NCOR1: variants seen among roughly 807,000 people sequenced by gnomAD.
NCOR1 encodes nuclear receptor corepressor 1, also known as protein phosphatase 1, regulatory subunit 109.
NCOR1 carries 63 observed loss-of-function variants against 288.1 expected under a neutral mutation model. The ratio of observed to expected loss-of-function variants is 0.22; its 90% CI spans 0.18 to 0.27. The LOEUF is 0.27. Ranked by LOEUF, NCOR1 falls within the 10% of genes least tolerant of loss-of-function variation. The probability of loss-of-function intolerance (pLI) is 1.00; values close to 1 mark genes in which losing one functional copy is unlikely to be tolerated. For missense variants in NCOR1, 2,397 were observed against 3,019.2 expected (o/e 0.79, Z 4.83); for synonymous variants, 1,007 against 1,065.9 (o/e 0.94, Z 1.08).
intron 41 of NCOR1, 77 bp downstream of exon 41, chr17:16,048,768 C>T (rs946082051): frequency 3.6e-5 from 51 of 1,400,828 alleles, no homozygotes; most frequent in South Asian, 5.8e-5. Flanking sequence ...CTGAGAAAAA[C>T]GGCAACAACT....
intron 21 of NCOR1, among the ~76,000 whole-genome samples, chr17:16,094,667 T>G (rs2066024531): frequency 6.6e-6 from 1 of 152,030 alleles, no homozygotes; most frequent in South Asian, 2.1e-4. Flanking sequence ...CCTCCCTGCC[T>G]GATTCTCCTG....
intron 40 of NCOR1, among the ~76,000 whole-genome samples, chr17:16,052,674 C>T (rs917364537): frequency 6.6e-6 from 1 of 152,116 alleles, no homozygotes; most frequent in African/African-American, 2.4e-5. Context: ...ACCAGATGTA[C>T]AAAAAGAGCT....
rs1180914155 is a variant in NCOR1 at position 16,032,413 on chromosome 17, T to C, written c.7206A>G (p.Ala2402=). Residue 2402 remains alanine (A), a synonymous_variant, in exon 46 of 46, where the codon GCA becomes GCG. Coordinates refer to ENST00000268712, the MANE Select transcript of NCOR1 (RefSeq NM_006311.4). The part of the protein sequence containing the change: ...MLSSTPPTPI[A]CAPSAVNQAA... ...CTTGGTTCACCGCAGAGGGAGCACA[T>C]GCAATCGGTGTTGGTGGAGTACTGC... is the stretch of plus-strand genomic sequence containing the variant. The C allele has an allele frequency of 1.2e-6, 2 of 1,614,112 alleles. No individual in the cohort carries two copies. Among genetic ancestry groups the C allele is most frequent in the Middle Eastern group, 1.6e-4 (1 of 6,062 alleles).
chr17:16,105,457 A>AC lies in NCOR1; in HGVS notation c.2182+3328dup, dbSNP rs564916952. 1.9e-4 allele frequency among the ~76,000 whole-genome samples: 29 copies of AC among 152,226 alleles called. No homozygotes were observed. The South Asian group carries it at 6.0e-3, about 32-fold the overall frequency. The stretch of plus-strand genomic sequence containing the variant: ...AGAATGGAACAAAAAGAAGCAAGAG[A>AC]CTAATCAAAAAACTACTGCAATGAG... On this transcript the variant is annotated intron_variant, in intron 19 of 45. Transcript: ENST00000268712.
chr17:16,157,445 T>C (rs576418475), intron 6 of NCOR1, among the ~76,000 whole-genome samples: 1 of 152,206 alleles, frequency 6.6e-6, no homozygotes, highest in Non-Finnish European at 1.5e-5. Context: ...TCCAAGATCA[T>C]TCCTATAAAT....
At chr17:16,205,215 T>A (rs2091340420) in intron 1 of NCOR1, among the ~76,000 whole-genome samples, 1 of 150,744 alleles carries the variant, frequency 6.6e-6, no homozygotes. Flanking sequence ...AGCAAAACTC[T>A]GTCTCACAAA....
chr17:16,133,487 T>C (rs534847603), intron 14 of NCOR1, among the ~76,000 whole-genome samples: 1 of 152,346 alleles, frequency 6.6e-6, no homozygotes, highest in African/African-American at 2.4e-5. Flanking sequence ...AGAAGTAAAG[T>C]GATTTTCAAA....
At position 16,075,612 on chromosome 17, in the gene NCOR1, C is replaced by T. The variant is rs2062347637; in HGVS notation, c.3592G>A (p.Glu1198Lys). 1 of 1,614,200 alleles carries T rather than the reference C, an allele frequency of 6.2e-7. No individual in the cohort carries two copies. The highest frequency in any genetic ancestry group is 8.5e-7 in the Non-Finnish European group (1 of 1,180,034). ...GATGCAGCTTCCTCTCTGCCTTTCT[C>T]AGGACTGCTGTCTTCAATGGGCATT... ...SRMPIEDSSP[E>K]KGREEAASKG... The change falls in exon 27 of 46, where the codon GAG (glutamate) becomes AAG (lysine). Residue 1198 changes from glutamate (E) to lysine (K), a missense_variant. Physicochemically the swap from Glu to Lys is moderately conservative, Grantham distance 56. This residue lies in a region of NCOR1 where 1,872 missense variants were observed against 2,187.8 expected (regional missense o/e 0.86). Transcript: ENST00000268712.
At chr17:16,207,351 G>T (rs1196672322) in intron 1 of NCOR1, among the ~76,000 whole-genome samples, 1 of 152,132 alleles carries the variant, frequency 6.6e-6, no homozygotes, top group Non-Finnish European at 1.5e-5. Flanking sequence ...ATGGCAAGAA[G>T]AATGTCTGTC....
At chr17:16,192,655 CA>C (rs919584130) in intron 2 of NCOR1, among the ~76,000 whole-genome samples, 15 of 149,828 alleles carry the variant, frequency 1.0e-4, no homozygotes, top group African/African-American at 3.7e-4. Flanking sequence ...AACTCCATCT[CA>C]AAAAAAAAGT....
intron 1 of NCOR1, among the ~76,000 whole-genome samples, chr17:16,201,281 T>C (rs1333735418): frequency 1.3e-5 from 2 of 152,192 alleles, no homozygotes; most frequent in Admixed American, 6.5e-5. Context: ...AATTATTTGA[T>C]AAATCTATGG....
chr17:16,127,565 G>A (rs914385450), intron 14 of NCOR1, among the ~76,000 whole-genome samples: 2 of 135,998 alleles, frequency 1.5e-5, no homozygotes, highest in Non-Finnish European at 3.1e-5. Flanking sequence ...GTGTATATAT[G>A]TATGTATATA....
chr17:16,042,543 GC>G (rs1173397244), intron 42 of NCOR1, among the ~76,000 whole-genome samples: 1 of 152,172 alleles, frequency 6.6e-6, no homozygotes, highest in East Asian at 1.9e-4. Flanking sequence ...CATTCCTGGG[GC>G]TCCATAATTC....
chr17:16,130,076 C>T (rs1231484423), intron 14 of NCOR1, among the ~76,000 whole-genome samples: 3 of 152,184 alleles, frequency 2.0e-5, no homozygotes, highest in Admixed American at 2.0e-4. Flanking sequence ...GACAGAGTTG[C>T]TGCATTAGAG....
At chr17:16,091,439 C>A (rs1020675436) in intron 22 of NCOR1, 5 of 511,098 alleles carry the variant, frequency 9.8e-6, no homozygotes, top group Non-Finnish European at 1.3e-5. Context: ...GCTTAGCCAG[C>A]GTCTGATTGG....
intron 40 of NCOR1, among the ~76,000 whole-genome samples, chr17:16,054,070 T>TAAAAAAAAAAAAAAAAAAAAAAAAAAAA (rs752015595): frequency 1.4e-5 from 1 of 72,110 alleles, no homozygotes; most frequent in African/African-American, 4.3e-5. Flanking sequence ...GACTTAAATG[T>TAAAAAAAAAAAAAAAAAAAAAAAAAAAA]AAAAAAAAAA....
At chr17:16,178,498 C>CAAAAAAAAA (rs564320622) in intron 3 of NCOR1, among the ~76,000 whole-genome samples, 1 of 32,786 alleles carries the variant, frequency 3.1e-5, no homozygotes, top group African/African-American at 1.1e-4. Flanking sequence ...GACTCCGTCT[C>CAAAAAAAAA]AAAAAAAAAA....
chr17:16,140,601 G>A (rs2077008301), intron 11 of NCOR1, among the ~76,000 whole-genome samples: 2 of 152,202 alleles, frequency 1.3e-5, no homozygotes, highest in South Asian at 4.1e-4. Flanking sequence ...ATCACCTGAG[G>A]TCAGGAGTTT....
chr17:16,127,251 ATATG>A lies in NCOR1; in HGVS notation c.1510-1049_1510-1046del, dbSNP rs1214206357. Among the ~76,000 whole-genome samples the A allele has an allele frequency of 8.8e-4, 114 of 129,690 alleles. 18 individuals are homozygous for A. The highest frequency in any genetic ancestry group is 3.1e-3 in the African/African-American group (100 of 31,840). The allele number at this position is 129,690 out of a possible 152,430, so 85.1% of individuals were successfully genotyped here. ...TACATGTATGCATATATGTATGTAT[ATATG>A]TGTGTGTATATATGTATGTATATAT... On this transcript the variant is annotated intron_variant, in intron 14 of 45. Coordinates refer to ENST00000268712, the MANE Select transcript of NCOR1 (RefSeq NM_006311.4).
Sources: gnomAD v4.1 joint callset for allele counts (sites outside exome capture counted in the v4.1 genomes callset) on GRCh38, gnomAD v4.1.1 for gene constraint, gnomAD v4.1.1 regional missense constraint, MANE v1.5 for transcripts, NCBI Gene and HGNC (gene_info 2026-07-23, HGNC 2026-07-21) for gene names.